ENOX1: variants seen among roughly 807,000 people sequenced by gnomAD.
The protein encoded by ENOX1 is candidate growth-related and time keeping constitutive hydroquinone (NADH) oxidase.
Under a neutral mutation model 82.5 loss-of-function variants are expected in ENOX1, and 42 were observed. The observed-to-expected ratio is 0.51, with a 90% CI of 0.40 to 0.66. The LOEUF (loss-of-function observed/expected upper bound fraction) is 0.66. Ranked by LOEUF, ENOX1 falls within the 30% of genes least tolerant of loss-of-function variation. The pLI is 0.00. For missense variants in ENOX1, 608 were observed against 811.6 expected (o/e 0.75, Z 3.05); for synonymous variants, 271 against 282.2 (o/e 0.96, Z 0.40).
At chr13:43,307,096 T>C (rs1455621179) in intron 11 of ENOX1, among the ~76,000 whole-genome samples, 1 of 152,208 alleles carries the variant, frequency 6.6e-6, no homozygotes, top group Non-Finnish European at 1.5e-5. Flanking sequence ...TCCAGACTAG[T>C]AAGTGGGCAC....
chr13:43,354,700 C>T (rs1378512107), intron 8 of ENOX1, among the ~76,000 whole-genome samples: 1 of 152,180 alleles, frequency 6.6e-6, no homozygotes, highest in Non-Finnish European at 1.5e-5. Context: ...CCAAATCCAG[C>T]AATAGCCTTC....
chr13:43,403,319 A>G (rs1453731860), intron 5 of ENOX1, among the ~76,000 whole-genome samples: 1 of 152,216 alleles, frequency 6.6e-6, no homozygotes, highest in Non-Finnish European at 1.5e-5. Flanking sequence ...AATGCTAAGC[A>G]AGTAAATTTA....
intron 1 of ENOX1, among the ~76,000 whole-genome samples, chr13:43,722,581 T>C (rs1403022595): frequency 1.3e-5 from 2 of 152,144 alleles, no homozygotes; most frequent in East Asian, 1.9e-4. Context: ...ATAATAACCA[T>C]AATGATGGTG....
chr13:43,465,577 G>C (rs894176797), intron 3 of ENOX1, among the ~76,000 whole-genome samples: 3 of 152,118 alleles, frequency 2.0e-5, no homozygotes, highest in African/African-American at 7.2e-5. Flanking sequence ...ACCACGGTCT[G>C]GGCACTGCAT....
chr13:43,535,029 C>G lies in ENOX1; in HGVS notation c.-218-50877G>C, dbSNP rs559363919. On this transcript the variant is annotated intron_variant, in intron 2 of 16. Transcript: ENST00000690772. ...CATTATCAGAGATCTGAGCCTGGCT[C>G]TAACATCTACTAGTTGTGTGACCTT... is the stretch of plus-strand genomic sequence containing the variant. 7.2e-5 allele frequency among the ~76,000 whole-genome samples: 11 copies of G among 152,268 alleles called. No individual in the cohort carries two copies. The East Asian group carries it at 2.1e-3, about 29-fold the overall frequency.
At chr13:43,601,108 C>T (rs2081696694) in intron 2 of ENOX1, among the ~76,000 whole-genome samples, 1 of 152,220 alleles carries the variant, frequency 6.6e-6, no homozygotes, top group East Asian at 1.9e-4. Context: ...AAACACCTAA[C>T]TCTTCAATGA....
chr13:43,759,740 A>G (rs539993601), intron 1 of ENOX1, among the ~76,000 whole-genome samples: 2 of 152,304 alleles, frequency 1.3e-5, no homozygotes, highest in Non-Finnish European at 2.9e-5. Flanking sequence ...CAGTGTGTAG[A>G]TACAGGCAAC....
chr13:43,602,196 T>C (rs942509674), intron 2 of ENOX1, among the ~76,000 whole-genome samples: 3 of 152,034 alleles, frequency 2.0e-5, no homozygotes, highest in Non-Finnish European at 4.4e-5. Flanking sequence ...ACATAAAACA[T>C]AACATTTCAA....
At chr13:43,553,960 G>C (rs2079322074) in intron 2 of ENOX1, among the ~76,000 whole-genome samples, 1 of 152,144 alleles carries the variant, frequency 6.6e-6, no homozygotes. Context: ...TGTTAGTCAG[G>C]CTGGTCTCGA....
intron 2 of ENOX1, among the ~76,000 whole-genome samples, chr13:43,537,594 T>G (rs1213187972): frequency 6.6e-6 from 1 of 152,164 alleles, no homozygotes; most frequent in Admixed American, 6.5e-5. Flanking sequence ...TTCTATGTAG[T>G]TCTCTGCATT....
intron 2 of ENOX1, among the ~76,000 whole-genome samples, chr13:43,582,212 GA>G (rs545825654): frequency 6.6e-6 from 1 of 151,528 alleles, no homozygotes; most frequent in Admixed American, 6.6e-5. Flanking sequence ...GGTCAAGGAA[GA>G]AAAAAATTAA....
At chr13:43,662,144 T>C (rs1293635337) in intron 2 of ENOX1, among the ~76,000 whole-genome samples, 2 of 152,226 alleles carry the variant, frequency 1.3e-5, no homozygotes, top group Non-Finnish European at 2.9e-5. Flanking sequence ...TTGCCTCAAT[T>C]ACTTTAATTC....
chr13:43,628,463 A>G (rs1277337309), intron 2 of ENOX1, among the ~76,000 whole-genome samples: 3 of 151,938 alleles, frequency 2.0e-5, no homozygotes, highest in Non-Finnish European at 4.4e-5. Context: ...TCCTCTTCAT[A>G]TTTCCTTGGT....
chr13:43,527,873 T>C (rs1318471849), intron 2 of ENOX1, among the ~76,000 whole-genome samples: 5 of 152,152 alleles, frequency 3.3e-5, no homozygotes, highest in Non-Finnish European at 5.9e-5. Context: ...TTGTTTTCCA[T>C]ATTTCAAACA....
chr13:43,291,016 G>C (rs1347938008), intron 12 of ENOX1, among the ~76,000 whole-genome samples: 1 of 152,044 alleles, frequency 6.6e-6, no homozygotes, highest in Non-Finnish European at 1.5e-5. Context: ...AACAGAGTGA[G>C]ACTCCATCTC....
chr13:43,385,575 A>G (rs902814573), intron 5 of ENOX1, among the ~76,000 whole-genome samples: 2 of 152,232 alleles, frequency 1.3e-5, no homozygotes, highest in Non-Finnish European at 2.9e-5. Flanking sequence ...AGTTTTGGTG[A>G]GAATTTGAGG....
intron 2 of ENOX1, among the ~76,000 whole-genome samples, chr13:43,650,865 T>C (rs1036621972): frequency 6.6e-6 from 1 of 152,158 alleles, no homozygotes; most frequent in African/African-American, 2.4e-5. Flanking sequence ...CAAACTCCTA[T>C]AGGTCGGTCT....
At chr13:43,317,556 A>T (rs1004196874) in intron 11 of ENOX1, among the ~76,000 whole-genome samples, 16 of 149,262 alleles carry the variant, frequency 1.1e-4, no homozygotes, top group South Asian at 4.3e-4. Flanking sequence ...TTTATTACTT[A>T]TTTTTTTTTT....
At chr13:43,522,770 A>T (rs2077827955) in intron 2 of ENOX1, among the ~76,000 whole-genome samples, 1 of 152,200 alleles carries the variant, frequency 6.6e-6, no homozygotes, top group African/African-American at 2.4e-5. Context: ...GAATGACTAC[A>T]TACAATTACT....
Sources: gnomAD v4.1 joint callset for allele counts (sites outside exome capture counted in the v4.1 genomes callset) on GRCh38, gnomAD v4.1.1 for gene constraint, MANE v1.5 for transcripts, NCBI Gene and HGNC (gene_info 2026-07-23, HGNC 2026-07-21) for gene names.